Variants in EYA2 observed in about 807,000 individuals in gnomAD.
The protein encoded by EYA2 is EYA transcriptional coactivator and phosphatase 2.
A neutral mutation model predicts 69.2 loss-of-function variants in EYA2; 31 were observed. The ratio of observed to expected loss-of-function variants is 0.45; its 90% CI spans 0.34 to 0.60. The LOEUF (loss-of-function observed/expected upper bound fraction) is 0.60, where lower values mean the gene tolerates loss of function less well. Ranked by LOEUF, EYA2 falls within the 20% of genes least tolerant of loss-of-function variation. EYA2 has a pLI of 0.02. For missense variants in EYA2, 622 were observed against 701.2 expected, an observed-to-expected ratio of 0.89 and a Z score of 1.28; for synonymous variants, 257 against 279.4, an observed-to-expected ratio of 0.92 and a Z score of 0.80.
intron 1 of EYA2, among the ~76,000 whole-genome samples, chr20:46,966,475 T>C (rs950770165): frequency 2.6e-5 from 4 of 152,098 alleles, no homozygotes; most frequent in Non-Finnish European, 5.9e-5. Context: ...GAGCCACATA[T>C]GTAACTGCAA....
At chr20:46,994,268 G>A (rs1308308913) in intron 2 of EYA2, among the ~76,000 whole-genome samples, 1 of 152,118 alleles carries the variant, frequency 6.6e-6, no homozygotes, top group Admixed American at 6.5e-5. Flanking sequence ...AGTAACCCTG[G>A]TTTGTTTGTA....
Position 47,062,172 on chromosome 20 carries a change from A to G in EYA2, c.416-10013A>G, listed in dbSNP as rs530400898. The stretch of plus-strand genomic sequence containing the variant: ...ATACCTGGTGCATCCTGGACGTCCA[A>G]TTGTCCACCTCGGACCACCACCCCA... On this transcript the variant is annotated intron_variant, in intron 5 of 15. Coordinates refer to ENST00000327619, the MANE Select transcript of EYA2 (RefSeq NM_005244.5). 3.6e-3 allele frequency among the ~76,000 whole-genome samples: 554 copies of G among 152,300 alleles called. 3 individuals are homozygous for G. The highest frequency in any genetic ancestry group is 4.8e-3 in the Non-Finnish European group (325 of 68,018).
intron 1 of EYA2, among the ~76,000 whole-genome samples, chr20:46,928,711 C>A (rs899648293): frequency 6.6e-6 from 1 of 152,214 alleles, no homozygotes; most frequent in African/African-American, 2.4e-5. Flanking sequence ...TGCAAAATCA[C>A]CAACGCTTGG....
At chr20:46,926,872 G>A (rs1039210279) in intron 1 of EYA2, among the ~76,000 whole-genome samples, 4 of 152,202 alleles carry the variant, frequency 2.6e-5, no homozygotes, top group East Asian at 1.9e-4. Flanking sequence ...TGCTGCACAC[G>A]TTGCTCTGCA....
intron 2 of EYA2, among the ~76,000 whole-genome samples, chr20:46,999,797 C>T (rs138838500): frequency 1.3e-5 from 2 of 152,322 alleles, no homozygotes; most frequent in African/African-American, 4.8e-5. Flanking sequence ...CCCTTGCCCA[C>T]GGTTGTGTGA....
At position 47,005,041 on chromosome 20, in the gene EYA2, A is replaced by G; in HGVS notation, c.255A>G (p.Thr85=). ...SAGIQQATPY[T]AYPPPAQAYG... ...GGATCCAGCAGGCTACCCCCTATAC[A>G]GCTTACCCACCTCCAGCACAAGCCT... Residue 85 remains threonine (T), a synonymous_variant, in exon 4 of 16, where the codon ACA becomes ACG. Transcript: ENST00000327619. The G allele has an allele frequency of 6.2e-7, 1 of 1,613,906 alleles. No individual in the cohort carries two copies. The highest frequency in any genetic ancestry group is 8.5e-7 in the Non-Finnish European group (1 of 1,179,900).
chr20:47,051,146 G>A (rs2030309405), intron 5 of EYA2, among the ~76,000 whole-genome samples: 1 of 152,174 alleles, frequency 6.6e-6, no homozygotes, highest in South Asian at 2.1e-4. Context: ...GCCTATGCCG[G>A]ACTTTCCCTC....
At chr20:46,954,367 G>C (rs1171298129) in intron 1 of EYA2, among the ~76,000 whole-genome samples, 1 of 152,202 alleles carries the variant, frequency 6.6e-6, no homozygotes, top group Non-Finnish European at 1.5e-5. Flanking sequence ...AACAGACAGG[G>C]AGGAAGGAAG....
chr20:46,979,486 A>G (rs1980684501), intron 1 of EYA2: 1 of 151,908 alleles, frequency 6.6e-6, no homozygotes, highest in Non-Finnish European at 1.5e-5. Flanking sequence ...TTTTTTGTAA[A>G]TGAATTCCAT....
At chr20:46,917,178 G>A (rs886306645) in intron 1 of EYA2, among the ~76,000 whole-genome samples, 4 of 152,168 alleles carry the variant, frequency 2.6e-5, no homozygotes, top group East Asian at 1.9e-4. Context: ...ATACTTAATC[G>A]TATATGCTTT....
At chr20:47,010,815 T>A (rs6066157) in intron 4 of EYA2, among the ~76,000 whole-genome samples, 69,793 of 147,542 alleles carry the variant, frequency 0.47, 18,082 homozygotes, top group Non-Finnish European at 0.6. Context: ...TGAGATGTAG[T>A]CTTGCTGTGT....
At chr20:46,972,915 T>C (rs918014901) in intron 1 of EYA2, among the ~76,000 whole-genome samples, 8 of 152,246 alleles carry the variant, frequency 5.3e-5, no homozygotes, top group Admixed American at 4.6e-4. Flanking sequence ...TTCTGGAATA[T>C]CTCTCTTCTT....
intron 1 of EYA2, among the ~76,000 whole-genome samples, chr20:46,958,844 C>T (rs1456356344): frequency 6.6e-6 from 1 of 152,174 alleles, no homozygotes; most frequent in Non-Finnish European, 1.5e-5. Flanking sequence ...GCCTCAAGCT[C>T]CATCCATGTC....
intron 10 of EYA2, 147 bp downstream of exon 10, chr20:47,143,295 C>G: frequency 1.4e-6 from 1 of 721,692 alleles, no homozygotes; most frequent in Non-Finnish European, 2.2e-6. Context: ...TGCTAACAAC[C>G]CCCAAAAAGG....
At chr20:47,093,386 G>A (rs993808217) in intron 8 of EYA2, among the ~76,000 whole-genome samples, 3 of 152,228 alleles carry the variant, frequency 2.0e-5, no homozygotes, top group Non-Finnish European at 4.4e-5. Context: ...GCCATAGGAG[G>A]TGAAATGTAG....
rs1230428778 is a variant in EYA2 at position 46,980,775 on chromosome 20, G to A, written c.-10-9226G>A. ...TTCATCCTCCCCACCACCCTTCCTG[G>A]CCTTCAGTAATCACAGTCTACTCTC... On this transcript the variant is annotated intron_variant, in intron 1 of 15. Coordinates refer to ENST00000327619, the MANE Select transcript of EYA2 (RefSeq NM_005244.5). Among the ~76,000 whole-genome samples the A allele has an allele frequency of 2.0e-5, 3 of 151,936 alleles. No homozygotes were observed. In the East Asian group the frequency reaches 5.8e-4, roughly 29 times the overall value.
intron 1 of EYA2, among the ~76,000 whole-genome samples, chr20:46,936,631 G>A (rs796765430): frequency 2.2e-4 from 33 of 152,214 alleles, no homozygotes; most frequent in African/African-American, 7.7e-4. Flanking sequence ...CTCAGAACAC[G>A]TGGTTATTAA....
intron 4 of EYA2, 90 bp from the exon 5 acceptor site, chr20:47,016,091 T>C (rs1332267630): frequency 2.2e-6 from 2 of 927,808 alleles, no homozygotes; most frequent in East Asian, 2.4e-5. Context: ...AATTGCATGC[T>C]GTCTTGACCC....
At chr20:47,084,602 A>G (rs558328748) in intron 7 of EYA2, among the ~76,000 whole-genome samples, 1 of 152,356 alleles carries the variant, frequency 6.6e-6, no homozygotes, top group South Asian at 2.1e-4. Flanking sequence ...ATGCCTCACC[A>G]AAGAAGATAT....
Sources: gnomAD v4.1 joint callset for allele counts (sites outside exome capture counted in the v4.1 genomes callset) on GRCh38, gnomAD v4.1.1 for gene constraint, MANE v1.5 for transcripts, NCBI Gene and HGNC (gene_info 2026-07-23, HGNC 2026-07-21) for gene names.